ITPR3: variants seen among roughly 807,000 people sequenced by gnomAD.
The protein encoded by ITPR3 is inositol 1,4,5-trisphosphate receptor type 3.
ITPR3 carries 173 observed loss-of-function variants against 293.2 expected under a neutral mutation model. That is an observed-to-expected ratio of 0.59 (90% CI 0.52 to 0.67). The LOEUF (loss-of-function observed/expected upper bound fraction) is 0.67, where lower values mean the gene tolerates loss of function less well. Ranked by LOEUF, ITPR3 falls within the 30% of genes least tolerant of loss-of-function variation. ITPR3 has a pLI of 0.00. For missense variants in ITPR3, 2,796 were observed against 3,592.1 expected (o/e 0.78, Z 5.66); for synonymous variants, 1,295 against 1,444.4 (o/e 0.90, Z 2.35).
intron 57 of ITPR3, 81 bp downstream of exon 57, chr6:33,695,166 A>C (rs1582174382): frequency 6.8e-7 from 1 of 1,473,528 alleles, no homozygotes; most frequent in Non-Finnish European, 9.3e-7. Flanking sequence ...TTCCTGACCC[A>C]CCCTCTTCCC....
chr6:33,695,903 C>G lies in ITPR3; in HGVS notation c.*123C>G. 2.3e-6 allele frequency: 2 copies of G among 865,178 alleles called. No homozygotes were observed. The highest frequency in any genetic ancestry group is 1.9e-6 in the Non-Finnish European group (1 of 535,442). The allele number at this position is 865,178 out of a possible 1,614,324, so 53.6% of individuals were successfully genotyped here. On this transcript the variant is annotated 3_prime_UTR_variant, in exon 58 of 58. Coordinates refer to ENST00000605930, the MANE Select transcript of ITPR3 (RefSeq NM_002224.4). ...CTGGCCAGCCTCCACTCCCACTCTG[C>G]CAGACACCCTGACACCCACCCAGGC... is the stretch of plus-strand genomic sequence containing the variant.
At chr6:33,642,684 C>T (rs375523811) in intron 2 of ITPR3, among the ~76,000 whole-genome samples, 28 of 152,298 alleles carry the variant, frequency 1.8e-4, no homozygotes, top group African/African-American at 6.0e-4. Flanking sequence ...CCTCCTCCCC[C>T]AGGCCCCTCA....
Position 33,655,825 on chromosome 6 carries a change from G to T in ITPR3, c.220G>T (p.Ala74Ser), listed in dbSNP as rs773776907. Reference sequence around the variant, plus strand: ...CTCGGCCCAGAAGCAGTACTGGAAGGCCAAGCAGACTAAGCAGGACAAGGA... The same window carrying T: ...CTCGGCCCAGAAGCAGTACTGGAAGTCCAAGCAGACTAAGCAGGACAAGGA... The part of the protein sequence containing the change: ...RYSAQKQYWK[A>S]KQTKQDKEKI... The change falls in exon 3 of 58, where the codon GCC becomes TCC. Residue 74 changes from alanine (A) to serine (S), a missense_variant. This residue lies in a region of ITPR3 where 53 missense variants were observed against 45.7 expected (regional missense o/e 1.16). Transcript: ENST00000605930. This position sits in a 1 kb window ranked among gnomAD's most constrained non-coding sequence, Gnocchi z 4.9. The T allele has an allele frequency of 6.2e-7, 1 of 1,614,122 alleles. No homozygotes were observed. Among genetic ancestry groups the T allele is most frequent in the South Asian group, 1.1e-5 (1 of 91,090 alleles).
At chr6:33,623,496 T>C (rs901916006) in intron 1 of ITPR3, among the ~76,000 whole-genome samples, 3 of 151,806 alleles carry the variant, frequency 2.0e-5, no homozygotes, top group Non-Finnish European at 4.4e-5. Context: ...CGGCTAATTT[T>C]TGTATTTTTT....
chr6:33,667,041 C>A lies in ITPR3; in HGVS notation c.1552-88C>A. On this transcript the variant is annotated intron_variant, in intron 14 of 57. Transcript: ENST00000605930. The surrounding 1 kb of genome is among the most constrained non-coding windows in gnomAD (Gnocchi z 4.4). ...GTCCGGGCTGGCTTTAGGGCAGAGT[C>A]AGTTGGGACTCAGGGATGACTCCTG... The A allele has an allele frequency of 6.8e-7, 1 of 1,479,026 alleles. No individual in the cohort carries two copies. The highest frequency in any genetic ancestry group is 1.3e-5 in the South Asian group (1 of 78,056). The allele number at this position is 1,479,026 out of a possible 1,614,324, so 91.6% of individuals were successfully genotyped here.
chr6:33,668,508 A>ACC lies in ITPR3; in HGVS notation c.1887-4_1887-3dup, dbSNP rs768980969. The ACC allele has an allele frequency of 7.4e-6, 12 of 1,614,118 alleles. No homozygotes were observed. Among genetic ancestry groups the ACC allele is most frequent in the Admixed American group, 1.7e-5 (1 of 60,016 alleles). On this transcript the variant is annotated splice_polypyrimidine_tract_variant and splice_region_variant and intron_variant, in intron 16 of 57. Coordinates refer to ENST00000605930, the MANE Select transcript of ITPR3 (RefSeq NM_002224.4). ...CCTCTTCCCACCGCTGGCTGTCACCACCCCAGGTTCCTGGACTACCTCTCT... is the reference window on the plus strand; with the variant it reads ...CCTCTTCCCACCGCTGGCTGTCACCACCCCCCAGGTTCCTGGACTACCTCTCT...
chr6:33,693,707 TG>T lies in ITPR3; in HGVS notation c.7785+3del. ...AGCTACGTGGCCCAGATGATCAAGG[TG>T]TGAGCAGGGGCTGTGCCAGGCCTGT... is the stretch of plus-strand genomic sequence containing the variant. On this transcript the variant is annotated splice_donor_region_variant and intron_variant, in intron 56 of 57. Transcript: ENST00000605930. 6.2e-7 allele frequency: 1 copy of T among 1,613,882 alleles called. No homozygotes were observed. Among genetic ancestry groups the T allele is most frequent in the Non-Finnish European group, 8.5e-7 (1 of 1,179,916 alleles).
chr6:33,691,075 C>T lies in ITPR3; in HGVS notation c.7191C>T (p.Leu2397=), dbSNP rs765163294. Residue 2397 remains leucine (L), a synonymous_variant, in exon 52 of 58, where the codon CTC becomes CTT. Transcript: ENST00000605930. This position sits in a 1 kb window ranked among gnomAD's most constrained non-coding sequence, Gnocchi z 4.9. Reference sequence around the variant, plus strand: ...TCTTCCTCAAGGATGACTTCATTCTCGAGGTCGACCGGCTGCCCAACAACC... The same window carrying T: ...TCTTCCTCAAGGATGACTTCATTCTTGAGGTCGACCGGCTGCCCAACAACC... The part of the protein sequence containing the change: ...GFLFLKDDFI[L]EVDRLPNNHS... 3.1e-6 allele frequency: 5 copies of T among 1,614,078 alleles called. No homozygotes were observed. The highest frequency in any genetic ancestry group is 4.2e-6 in the Non-Finnish European group (5 of 1,180,036).
chr6:33,673,807 G>A, intron 23 of ITPR3, 87 bp downstream of exon 23: 1 of 1,488,812 alleles, frequency 6.7e-7, no homozygotes, highest in Non-Finnish European at 9.1e-7. Flanking sequence ...CCTCAGCCCT[G>A]CTCCTTTTTC....
chr6:33,673,720 AG>A lies in ITPR3; in HGVS notation c.3058+1del, dbSNP rs780192701. Reference sequence around the variant, plus strand: ...CACAGCCCCTGCCTTCGACTCTACCAGTAAGCCCCTGCCCTGCCTTCAGGCT... The same window carrying A: ...CACAGCCCCTGCCTTCGACTCTACCATAAGCCCCTGCCCTGCCTTCAGGCT... On this transcript the variant is annotated splice_donor_variant, in intron 23 of 57. Coordinates refer to ENST00000605930, the MANE Select transcript of ITPR3 (RefSeq NM_002224.4). LOFTEE classifies it high-confidence loss of function. 3.1e-6 allele frequency: 5 copies of A among 1,613,944 alleles called. No homozygotes were observed. The Admixed American group carries it at 8.3e-5, about 27-fold the overall frequency.
At chr6:33,646,161 T>C (rs1398165404) in intron 2 of ITPR3, among the ~76,000 whole-genome samples, 7 of 152,130 alleles carry the variant, frequency 4.6e-5, no homozygotes, top group African/African-American at 1.7e-4. Context: ...TTCCTTTTTT[T>C]CCTTTTTATA....
In ITPR3 at chr6:33,674,125, AG is replaced by A. The variant is rs1289256950; in HGVS notation, c.3059-80del. 7.5e-5 allele frequency: 113 copies of A among 1,503,854 alleles called. No homozygotes were observed. The African/African-American group carries it at 1.4e-3, about 19-fold the overall frequency. The allele number at this position is 1,503,854 out of a possible 1,614,324, so 93.2% of individuals were successfully genotyped here. On this transcript the variant is annotated intron_variant, in intron 23 of 57. Coordinates refer to ENST00000605930, the MANE Select transcript of ITPR3 (RefSeq NM_002224.4). ...CTGCTGTGCAGCCAGTGCAGGGAAG[AG>A]GGTGGTTTGAGTGTCTCCCTGTGCT...
Position 33,683,915 on chromosome 6 carries a change from A to ATCT in ITPR3, c.4789-105_4789-104insTCT. ...CTGTGGGTGTGGGCCCCTCAGACAG[A>ATCT]GGCAGGGCAATCTGTGGGGCTGTTT... is the stretch of plus-strand genomic sequence containing the variant. On this transcript the variant is annotated intron_variant, in intron 35 of 57. Transcript: ENST00000605930. The surrounding 1 kb of genome is among the most constrained non-coding windows in gnomAD (Gnocchi z 4.5). The ATCT allele has an allele frequency of 7.7e-7, 1 of 1,303,872 alleles. No homozygotes were observed. Among genetic ancestry groups the ATCT allele is most frequent in the Non-Finnish European group, 1.1e-6 (1 of 948,222 alleles). 80.8% of individuals were successfully genotyped at this position (1,303,872 alleles called of 1,614,324 possible). A position where few individuals can be genotyped will look rare whatever the true frequency, so the allele number is the denominator to read the frequency against.
At position 33,682,745 on chromosome 6, in the gene ITPR3, C is replaced by CA. The variant is rs1218218635; in HGVS notation, c.4597+102dup. ...TAAACACTTTATCCCTAAGCTCGCC[C>CA]ATCTCCTGCTCCCAGGTGGTTGTCA... On this transcript the variant is annotated intron_variant, in intron 34 of 57. Transcript: ENST00000605930. The surrounding 1 kb of genome is among the most constrained non-coding windows in gnomAD (Gnocchi z 5.4). The CA allele has an allele frequency of 2.8e-6, 4 of 1,412,802 alleles. No individual in the cohort carries two copies. The highest frequency in any genetic ancestry group is 3.6e-4 in the Middle Eastern group (2 of 5,610). 87.5% of individuals were successfully genotyped at this position (1,412,802 alleles called of 1,614,324 possible).
chr6:33,674,195 C>G lies in ITPR3; in HGVS notation c.3059-13C>G, dbSNP rs376042542. 6.2e-7 allele frequency: 1 copy of G among 1,613,958 alleles called. No individual in the cohort carries two copies. The highest frequency in any genetic ancestry group is 8.5e-7 in the Non-Finnish European group (1 of 1,179,928). ...GGCCTACAATCTGCTTCCATCTGCC[C>G]CTCTCCCCACAGCTGCCAACATGAA... On this transcript the variant is annotated splice_polypyrimidine_tract_variant and intron_variant, in intron 23 of 57. Coordinates refer to ENST00000605930, the MANE Select transcript of ITPR3 (RefSeq NM_002224.4).
intron 56 of ITPR3, among the ~76,000 whole-genome samples, chr6:33,693,947 G>A (rs1431374581): frequency 2.0e-5 from 3 of 152,234 alleles, no homozygotes; most frequent in African/African-American, 7.2e-5. Context: ...CACGGAAGCC[G>A]CTGCTGCAGA....
At chr6:33,669,375 G>A (rs1010320380) in intron 18 of ITPR3, among the ~76,000 whole-genome samples, 18 of 152,306 alleles carry the variant, frequency 1.2e-4, no homozygotes, top group African/African-American at 3.9e-4. Flanking sequence ...TGGGTGGCTC[G>A]GCACAGGAAC....
At chr6:33,689,928 A>G in intron 50 of ITPR3, 106 bp from the exon 51 acceptor site, 1 of 1,375,286 alleles carries the variant, frequency 7.3e-7, no homozygotes, top group African/African-American at 1.4e-5. Context: ...AAGCAATTTC[A>G]TTAATGCCAT....
Position 33,664,795 on chromosome 6 carries a change from G to A in ITPR3, c.1149-75G>A. 1 of 1,295,616 alleles carries A rather than the reference G, an allele frequency of 7.7e-7. No homozygotes were observed. Among genetic ancestry groups the A allele is most frequent in the Non-Finnish European group, 1.1e-6 (1 of 909,006 alleles). 80.3% of individuals were successfully genotyped at this position (1,295,616 alleles called of 1,614,324 possible). On this transcript the variant is annotated intron_variant, in intron 11 of 57. Transcript: ENST00000605930. The surrounding 1 kb of genome is among the most constrained non-coding windows in gnomAD (Gnocchi z 4.4). The stretch of plus-strand genomic sequence containing the variant: ...AGGGTGGCAGCTGTGGCAGTGTTGG[G>A]GAGGTAGGCCGGCAGGCAGCATGAC...
Sources: allele counts gnomAD v4.1 joint callset (sites outside exome capture counted in the v4.1 genomes callset), GRCh38; gene constraint gnomAD v4.1.1; regional missense constraint gnomAD v4.1.1; non-coding constraint Gnocchi (gnomAD v3.1); transcripts MANE v1.5; gene names NCBI Gene and HGNC (gene_info 2026-07-23, HGNC 2026-07-21).